The following LATS1 variants were observed in gnomAD, a reference collection of about 807,000 sequenced individuals.
LATS1 encodes the protein large tumor suppressor kinase 1.
A neutral mutation model predicts 106.6 loss-of-function variants in LATS1; 25 were observed. That is an observed-to-expected ratio of 0.23 (90% CI 0.17 to 0.33). The LOEUF is 0.33. LATS1 is among the 10% of genes least tolerant of loss of function. LATS1 has a pLI of 1.00. For synonymous variants in LATS1, 465 were observed against 455.6 expected (o/e 1.02, Z -0.26); for missense variants, 1,040 against 1,382.6 (o/e 0.75, Z 3.93).
chr6:149,696,539 A>G (rs1171252985), intron 2 of LATS1, among the ~76,000 whole-genome samples: 2 of 144,440 alleles, frequency 1.4e-5, no homozygotes, highest in African/African-American at 5.1e-5. Context: ...AGCCTGGGCA[A>G]CAAGAGTAAA....
chr6:149,673,022 T>C lies in LATS1; in HGVS notation c.2883+3238A>G, dbSNP rs2114742646. On this transcript the variant is annotated intron_variant, in intron 7 of 7. Transcript: ENST00000543571. Reference sequence around the variant, plus strand: ...TTACACCTATAGATTCCCTGGGATTTTCTATATAGAAAATTATATCATTTT... The same window carrying C: ...TTACACCTATAGATTCCCTGGGATTCTCTATATAGAAAATTATATCATTTT... Among the ~76,000 whole-genome samples, 5 of 152,074 alleles carry C rather than the reference T, an allele frequency of 3.3e-5. No individual in the cohort carries two copies. In the Middle Eastern group the frequency reaches 0.017, roughly 517 times the overall value.
intron 3 of LATS1, among the ~76,000 whole-genome samples, chr6:149,691,002 GT>G (rs200655898): frequency 3.3e-5 from 5 of 151,286 alleles, no homozygotes; most frequent in African/African-American, 7.3e-5. Flanking sequence ...GGTATACCTT[GT>G]TTTTTTTTAC....
chr6:149,661,858 G>C lies in LATS1; in HGVS notation c.3264C>G (p.Gly1088=). The stretch of plus-strand genomic sequence containing the variant: ...TAGGCTTCGGATAATTATATGGGTA[G>C]CCATTGTCATCAAAAAACCTTCGGA... ...FTFRRFFDDN[G]YPYNYPKPIE... Residue 1088 remains glycine (G), a synonymous_variant, in exon 8 of 8, where the codon GGC becomes GGG. Coordinates refer to ENST00000543571, the MANE Select transcript of LATS1 (RefSeq NM_004690.4). The C allele has an allele frequency of 6.2e-7, 1 of 1,614,042 alleles. No individual in the cohort carries two copies. The highest frequency in any genetic ancestry group is 8.5e-7 in the Non-Finnish European group (1 of 1,179,970).
Position 149,676,155 on chromosome 6 carries a change from G to A in LATS1, c.2883+105C>T, listed in dbSNP as rs180822785. ...GTGTGAGCCACTGCACCCGGCCCAA[G>A]TTCATTCTTTAACTCCAGACTAAAA... On this transcript the variant is annotated intron_variant, in intron 7 of 7. Transcript: ENST00000543571. 6.3e-6 allele frequency: 5 copies of A among 794,408 alleles called. No individual in the cohort carries two copies. In the African/African-American group the frequency reaches 8.5e-5, roughly 14 times the overall value. The allele number at this position is 794,408 out of a possible 1,614,324, so 49.2% of individuals were successfully genotyped here. A position where few individuals can be genotyped will look rare whatever the true frequency, so the allele number is the denominator to read the frequency against.
intron 7 of LATS1, among the ~76,000 whole-genome samples, chr6:149,670,159 G>A (rs1582846783): frequency 1.3e-5 from 1 of 75,208 alleles, no homozygotes; most frequent in Non-Finnish European, 2.4e-5. Context: ...GCAACAGAGT[G>A]AAATTGCATC....
intron 3 of LATS1, among the ~76,000 whole-genome samples, chr6:149,690,584 T>C (rs1782685435): frequency 6.6e-6 from 1 of 151,846 alleles, no homozygotes; most frequent in Non-Finnish European, 1.5e-5. Context: ...GCTCACTCTA[T>C]TGCTCAGGCT....
intron 1 of LATS1, among the ~76,000 whole-genome samples, chr6:149,703,906 A>G (rs902560995): frequency 1.3e-5 from 2 of 152,256 alleles, no homozygotes; most frequent in African/African-American, 4.8e-5. Context: ...CATTTATAAC[A>G]GCAAAAGTTG....
chr6:149,672,462 G>A (rs1207989253), intron 7 of LATS1, among the ~76,000 whole-genome samples: 2 of 149,718 alleles, frequency 1.3e-5, no homozygotes, highest in East Asian at 4.0e-4. Context: ...GCCTGCCCTG[G>A]CCTCCCAAAG....
intron 1 of LATS1, among the ~76,000 whole-genome samples, chr6:149,711,228 A>T (rs1355086156): frequency 6.6e-6 from 1 of 151,732 alleles, no homozygotes; most frequent in Non-Finnish European, 1.5e-5. Flanking sequence ...AACTTTAAAG[A>T]AACTGTTTTG....
Position 149,683,292 on chromosome 6 carries a change from AT to A in LATS1, c.1796del (p.Asn599MetfsTer49). The A allele has an allele frequency of 1.2e-6, 2 of 1,613,958 alleles. No homozygotes were observed. The highest frequency in any genetic ancestry group is 8.5e-7 in the Non-Finnish European group (1 of 1,179,990). On this transcript the variant is annotated frameshift_variant, in exon 4 of 8. Transcript: ENST00000543571. LOFTEE classifies it high-confidence loss of function. ...TCTTTTCTTTATCCCCACTATCAAC[AT>A]TTTCATAACTCTTTTCACTCTCATC... ...KEDESEKSYENVDSGDKEKKQ... is the reference protein window; with the variant it reads ...KEDESEKSYEXVDSGDKEKKQ...
intron 3 of LATS1, among the ~76,000 whole-genome samples, chr6:149,690,372 C>A (rs1344892669): frequency 6.6e-6 from 1 of 151,594 alleles, no homozygotes; most frequent in East Asian, 1.9e-4. Context: ...CACCACCACG[C>A]CCAGCTAATT....
At chr6:149,701,537 G>A (rs539001445) in intron 2 of LATS1, among the ~76,000 whole-genome samples, 1 of 152,146 alleles carries the variant, frequency 6.6e-6, no homozygotes, top group Non-Finnish European at 1.5e-5. Context: ...TCATGATCTG[G>A]CCTTTTAAAT....
chr6:149,668,842 C>T (rs1174810279), intron 7 of LATS1, among the ~76,000 whole-genome samples: 2 of 151,812 alleles, frequency 1.3e-5, no homozygotes, highest in Admixed American at 6.6e-5. Flanking sequence ...ATTTTGTTGC[C>T]CAGGCTGGTG....
In LATS1 at chr6:149,708,369, T is replaced by C. The variant is rs865913125; in HGVS notation, c.-140-6103A>G. On this transcript the variant is annotated intron_variant, in intron 1 of 7. Coordinates refer to ENST00000543571, the MANE Select transcript of LATS1 (RefSeq NM_004690.4). ...GGCAGAGGTTGCAGTGAGCCGAGAC[T>C]GCACCACTGCACTCCAGCCTGGGCG... is the stretch of plus-strand genomic sequence containing the variant. Among the ~76,000 whole-genome samples the C allele has an allele frequency of 2.4e-4, 35 of 146,308 alleles. No individual in the cohort carries two copies. The Middle Eastern group carries it at 0.014, about 58-fold the overall frequency.
At chr6:149,664,439 A>C (rs907498821) in intron 7 of LATS1, among the ~76,000 whole-genome samples, 5 of 152,186 alleles carry the variant, frequency 3.3e-5, no homozygotes, top group Non-Finnish European at 7.4e-5. Context: ...GTGAATCTCA[A>C]CCAAGAAAAA....
At chr6:149,668,825 G>C (rs1382742147) in intron 7 of LATS1, among the ~76,000 whole-genome samples, 1 of 151,844 alleles carries the variant, frequency 6.6e-6, no homozygotes, top group African/African-American at 2.4e-5. Context: ...TTTTGAGACA[G>C]GGTCACATTT....
chr6:149,667,221 G>A (rs967835583), intron 7 of LATS1, among the ~76,000 whole-genome samples: 1 of 151,702 alleles, frequency 6.6e-6, no homozygotes, highest in African/African-American at 2.4e-5. Context: ...GATCACTTGA[G>A]GCCAGAAGCT....
intron 3 of LATS1, among the ~76,000 whole-genome samples, chr6:149,687,327 G>A (rs1244926170): frequency 1.3e-5 from 2 of 152,152 alleles, no homozygotes; most frequent in Non-Finnish European, 2.9e-5. Context: ...CTGACCTCAG[G>A]TGATCCGCCC....
rs1780890134 is a variant in LATS1, at chr6:149,661,652, T to C, written c.*77A>G. ...ATATAGCTCTGTCATATTTGCATAA[T>C]TTTACTCTCAGAACCTCAAAACACC... is the stretch of plus-strand genomic sequence containing the variant. On this transcript the variant is annotated 3_prime_UTR_variant, in exon 8 of 8. Transcript: ENST00000543571. 1 of 1,279,088 alleles carries C rather than the reference T, an allele frequency of 7.8e-7. No individual in the cohort carries two copies. The highest frequency in any genetic ancestry group is 1.1e-6 in the Non-Finnish European group (1 of 932,044). The allele number at this position is 1,279,088 out of a possible 1,614,324, so 79.2% of individuals were successfully genotyped here.
Sources: gnomAD v4.1 joint callset for allele counts (sites outside exome capture counted in the v4.1 genomes callset) on GRCh38, gnomAD v4.1.1 for gene constraint, MANE v1.5 for transcripts, NCBI Gene and HGNC (gene_info 2026-07-23, HGNC 2026-07-21) for gene names.